Variants in NOL10 observed in about 807,000 individuals in gnomAD.
The protein encoded by NOL10 is H_NH0074G24.1.
In NOL10, 58 loss-of-function variants were observed where a neutral mutation model predicts 103.5. The observed-to-expected ratio is 0.56, with a 90% confidence interval of 0.45 to 0.70. The LOEUF (loss-of-function observed/expected upper bound fraction) is 0.70. Among genes scored for constraint, NOL10 ranks in the 30% least tolerant of loss-of-function variants. NOL10 has a pLI of 0.00. For missense variants in NOL10, 763 were observed against 807.3 expected (o/e 0.95, Z 0.67); for synonymous variants, 287 against 282.5 (o/e 1.02, Z -0.16).
intron 6 of NOL10, among the ~76,000 whole-genome samples, chr2:10,670,492 T>C (rs1274106353): frequency 6.6e-6 from 1 of 152,156 alleles, no homozygotes; most frequent in Non-Finnish European, 1.5e-5. Context: ...CCCAGCACTT[T>C]GGGAGGCCGA....
intron 19 of NOL10, among the ~76,000 whole-genome samples, chr2:10,582,522 T>C (rs191329873): frequency 4.6e-4 from 70 of 152,282 alleles, no homozygotes; most frequent in African/African-American, 1.6e-3. Context: ...CTCCTATACC[T>C]TGCAGGTCAT....
At position 10,669,658 on chromosome 2, in the gene NOL10, C is replaced by T. The variant is rs549594733; in HGVS notation, c.465-935G>A. Among the ~76,000 whole-genome samples, 105 of 151,052 alleles carry T rather than the reference C, an allele frequency of 7.0e-4. 1 individual carries two copies. Among genetic ancestry groups the T allele is most frequent in the African/African-American group, 2.4e-3 (101 of 41,298 alleles). On this transcript the variant is annotated intron_variant, in intron 6 of 20. Coordinates refer to ENST00000381685, the MANE Select transcript of NOL10 (RefSeq NM_024894.4). ...CCTGTAATCCCAACACTTTGGGAGG[C>T]TGAGGTGGGCGGATCACGAGGTCAA...
chr2:10,645,928 AAC>A (rs1348815839), intron 12 of NOL10, among the ~76,000 whole-genome samples: 1 of 121,586 alleles, frequency 8.2e-6, no homozygotes, highest in Non-Finnish European at 1.6e-5. Flanking sequence ...ATGCACACAA[AAC>A]ACACACACAC....
chr2:10,607,450 T>C (rs986762189), intron 13 of NOL10, 139 bp from the exon 14 acceptor site: 1 of 900,442 alleles, frequency 1.1e-6, no homozygotes, highest in Non-Finnish European at 1.6e-6. Context: ...GGATGCAGTA[T>C]GTATAATGAA....
intron 11 of NOL10, among the ~76,000 whole-genome samples, chr2:10,655,226 G>A: frequency 6.9e-6 from 1 of 145,036 alleles, no homozygotes. Context: ...AAGAAAGAAA[G>A]GAAGAAAAGA....
At chr2:10,664,693 G>A (rs1327564924) in intron 8 of NOL10, among the ~76,000 whole-genome samples, 2 of 152,052 alleles carry the variant, frequency 1.3e-5, no homozygotes, top group Admixed American at 6.6e-5. Flanking sequence ...TATGCACCAC[G>A]CCTGTCTAAT....
Position 10,602,760 on chromosome 2 carries a change from T to G in NOL10, c.1332+16A>C. The G allele has an allele frequency of 7.0e-7, 1 of 1,432,632 alleles. No homozygotes were observed. Among genetic ancestry groups the G allele is most frequent in the Non-Finnish European group, 9.7e-7 (1 of 1,035,858 alleles). The allele number at this position is 1,432,632 out of a possible 1,614,324, so 88.7% of individuals were successfully genotyped here. On this transcript the variant is annotated intron_variant, in intron 16 of 20. Transcript: ENST00000381685. The stretch of plus-strand genomic sequence containing the variant: ...TACTCTTCTCTGATAAATTCAATGG[T>G]AAGTATAATATTTACCTTTAACTGG...
At chr2:10,587,775 A>G (rs559766804) in intron 19 of NOL10, among the ~76,000 whole-genome samples, 2 of 152,264 alleles carry the variant, frequency 1.3e-5, no homozygotes, top group Admixed American at 1.3e-4. Flanking sequence ...TGAAATAAAG[A>G]TGAATAAAAC....
At chr2:10,619,965 C>T (rs913838269) in intron 13 of NOL10, among the ~76,000 whole-genome samples, 21 of 152,228 alleles carry the variant, frequency 1.4e-4, no homozygotes, top group Non-Finnish European at 2.4e-4. Context: ...TTCCTAACTA[C>T]ACCAAATGCT....
intron 11 of NOL10, among the ~76,000 whole-genome samples, chr2:10,656,688 T>C (rs1039072668): frequency 3.3e-5 from 5 of 152,256 alleles, no homozygotes; most frequent in African/African-American, 9.6e-5. Context: ...CCCCACGGAA[T>C]AGACGGGCAC....
At chr2:10,659,296 C>A (rs1450815868) in intron 9 of NOL10, 46 bp from the exon 10 acceptor site, 1 of 1,163,394 alleles carries the variant, frequency 8.6e-7, no homozygotes, top group Non-Finnish European at 1.3e-6. Context: ...GGCCAAACCT[C>A]CTTCCAAGTA....
At chr2:10,632,276 T>G in intron 13 of NOL10, among the ~76,000 whole-genome samples, 1 of 152,158 alleles carries the variant, frequency 6.6e-6, no homozygotes, top group East Asian at 1.9e-4. Context: ...TGGGGAAATA[T>G]AGACGTAAAG....
At chr2:10,646,582 T>G (rs1187933733) in intron 12 of NOL10, among the ~76,000 whole-genome samples, 1 of 152,166 alleles carries the variant, frequency 6.6e-6, no homozygotes, top group East Asian at 1.9e-4. Flanking sequence ...TATGAGCAGC[T>G]TCTAACAGGC....
chr2:10,689,857 T>C lies in NOL10; in HGVS notation c.5A>G (p.Gln2Arg). The C allele has an allele frequency of 5.0e-6, 8 of 1,605,856 alleles. No individual in the cohort carries two copies. The highest frequency in any genetic ancestry group is 6.8e-6 in the Non-Finnish European group (8 of 1,176,374). Reference protein sequence around the residue: MQVSSLNEVKIY... With the variant: MRVSSLNEVKIY... ...CTTCACCTCATTGAGGCTGGAGACC[T>C]GCATGGCGCCGCACAACACTGTTCA... is the stretch of plus-strand genomic sequence containing the variant. The change falls in exon 1 of 21, where the codon CAG (glutamine) becomes CGG (arginine). Residue 2 changes from glutamine to arginine, a missense_variant. Gln to Arg is a conservative substitution (Grantham distance 43). Coordinates refer to ENST00000381685, the MANE Select transcript of NOL10 (RefSeq NM_024894.4).
intron 13 of NOL10, among the ~76,000 whole-genome samples, chr2:10,625,354 C>A (rs1009380859): frequency 6.6e-6 from 1 of 151,940 alleles, no homozygotes; most frequent in Admixed American, 6.6e-5. Context: ...GGTGAGGGAG[C>A]GTGTGGGGGA....
At position 10,571,421 on chromosome 2, in the gene NOL10, C is replaced by G. The variant is rs1251627750; in HGVS notation, c.*650G>C. The G allele has an allele frequency of 1.3e-5, 2 of 152,356 alleles. No individual in the cohort carries two copies. Among genetic ancestry groups the G allele is most frequent in the East Asian group, 3.8e-4 (2 of 5,208 alleles). The allele number at this position is 152,356 out of a possible 1,614,324, so 9.4% of individuals were successfully genotyped here. A position where few individuals can be genotyped will look rare whatever the true frequency, so the allele number is the denominator to read the frequency against. On this transcript the variant is annotated 3_prime_UTR_variant, in exon 21 of 21. Coordinates refer to ENST00000381685, the MANE Select transcript of NOL10 (RefSeq NM_024894.4). ...CCTCTTTTCTTTACTTATAAATTAC[C>G]CAGTTTCAGGTAGTTCTTTATAGCA...
Position 10,607,458 on chromosome 2 carries a change from G to A in NOL10, c.1027-147C>T, listed in dbSNP as rs1676318954. ...GACAAATGGATGCAGTATGTATAAT[G>A]AACAAGTATATAACAGAAGAGAATA... On this transcript the variant is annotated intron_variant, in intron 13 of 20. Coordinates refer to ENST00000381685, the MANE Select transcript of NOL10 (RefSeq NM_024894.4). The A allele has an allele frequency of 2.7e-5, 23 of 849,046 alleles. No homozygotes were observed. The South Asian group carries it at 5.1e-4, about 19-fold the overall frequency. 52.6% of individuals were successfully genotyped at this position (849,046 alleles called of 1,614,324 possible). A position where few individuals can be genotyped will look rare whatever the true frequency, so the allele number is the denominator to read the frequency against.
chr2:10,644,837 C>G (rs1280078651), intron 12 of NOL10, among the ~76,000 whole-genome samples: 1 of 152,160 alleles, frequency 6.6e-6, no homozygotes, highest in Non-Finnish European at 1.5e-5. Flanking sequence ...CCAGGAGCAA[C>G]CTATAAGTAC....
In NOL10 at chr2:10,659,971, A is replaced by G. The variant is rs546039283; in HGVS notation, c.678-721T>C. ...CAAAGACAGAGTGAATGCTATGGCC[A>G]CGACTCTAGAATATGCTTCTCACAT... On this transcript the variant is annotated intron_variant, in intron 9 of 20. Coordinates refer to ENST00000381685, the MANE Select transcript of NOL10 (RefSeq NM_024894.4). Among the ~76,000 whole-genome samples, 6 of 152,356 alleles carry G rather than the reference A, an allele frequency of 3.9e-5. No homozygotes were observed. In the South Asian group the frequency reaches 1.2e-3, roughly 32 times the overall value.
Sources: gnomAD v4.1 joint callset for allele counts (sites outside exome capture counted in the v4.1 genomes callset) on GRCh38, gnomAD v4.1.1 for gene constraint, MANE v1.5 for transcripts, NCBI Gene and HGNC (gene_info 2026-07-23, HGNC 2026-07-21) for gene names.